The following ANK1 variants were observed in gnomAD, a reference collection of about 807,000 sequenced individuals.
ANK1 encodes the protein ankyrin-1.
ANK1 carries 51 observed loss-of-function variants against 210.4 expected under a neutral mutation model. That is an observed-to-expected ratio of 0.24 (90% CI 0.19 to 0.31). The LOEUF (loss-of-function observed/expected upper bound fraction) is 0.31, where lower values mean the gene tolerates loss of function less well. Among genes scored for constraint, ANK1 ranks in the 10% least tolerant of loss-of-function variants. ANK1 has a pLI of 1.00. For synonymous variants in ANK1, 967 were observed against 1,025.9 expected (o/e 0.94, Z 1.10); for missense variants, 2,051 against 2,504.4 (o/e 0.82, Z 3.86).
chr8:41,696,857 C>T lies in ANK1; in HGVS notation c.2638-84G>A, dbSNP rs548397036. ...GCCAGGGCGTGGAGGCTTGGAAGAACCTTGCCGCTAGAAACCAGGTGCCAC... is the reference window on the plus strand; with the variant it reads ...GCCAGGGCGTGGAGGCTTGGAAGAATCTTGCCGCTAGAAACCAGGTGCCAC... On this transcript the variant is annotated intron_variant, in intron 24 of 42. Transcript: ENST00000289734. 7.5e-6 allele frequency: 10 copies of T among 1,330,512 alleles called. No homozygotes were observed. The South Asian group carries it at 8.7e-5, about 12-fold the overall frequency. The allele number at this position is 1,330,512 out of a possible 1,614,324, so 82.4% of individuals were successfully genotyped here.
intron 38 of ANK1, among the ~76,000 whole-genome samples, chr8:41,670,403 T>G (rs1302184331): frequency 6.6e-6 from 1 of 152,040 alleles, no homozygotes; most frequent in East Asian, 1.9e-4. Flanking sequence ...TGAACCCAGT[T>G]AGCAACACTG....
chr8:41,847,735 C>G (rs1810334460), intron 1 of ANK1, among the ~76,000 whole-genome samples: 1 of 152,202 alleles, frequency 6.6e-6, no homozygotes, highest in Admixed American at 6.5e-5. Context: ...GCCACCGTGC[C>G]TTTTATCCCA....
At chr8:41,792,556 G>A (rs1458611320) in intron 1 of ANK1, among the ~76,000 whole-genome samples, 1 of 152,184 alleles carries the variant, frequency 6.6e-6, no homozygotes, top group Non-Finnish European at 1.5e-5. Context: ...CGAAGCCAGG[G>A]AAAATAAGAG....
At chr8:41,726,898 T>C (rs1387365298) in intron 5 of ANK1, among the ~76,000 whole-genome samples, 1 of 152,204 alleles carries the variant, frequency 6.6e-6, no homozygotes, top group Non-Finnish European at 1.5e-5. Context: ...CAAGGGTGCA[T>C]GGTGGTTTTG....
chr8:41,843,704 C>T (rs556188882), intron 1 of ANK1, among the ~76,000 whole-genome samples: 460 of 152,298 alleles, frequency 3.0e-3, no homozygotes, highest in Non-Finnish European at 4.8e-3. Context: ...CAGATCTCTC[C>T]GCTCTCTCTG....
At chr8:41,785,841 CT>C (rs1341416868) in intron 1 of ANK1, among the ~76,000 whole-genome samples, 1 of 152,228 alleles carries the variant, frequency 6.6e-6, no homozygotes, top group Admixed American at 6.5e-5. Flanking sequence ...TTTAAACACC[CT>C]GGCGGAGCCT....
intron 1 of ANK1, among the ~76,000 whole-genome samples, chr8:41,759,525 A>AC (rs1839959695): frequency 4.6e-5 from 7 of 152,246 alleles, no homozygotes; most frequent in East Asian, 1.9e-4. Flanking sequence ...AAACAAACAA[A>AC]AAAACCCAGT....
Position 41,714,263 on chromosome 8 carries a change from G to A in ANK1, c.1702-9C>T, listed in dbSNP as rs1211481493. 3 of 1,542,128 alleles carry A rather than the reference G, an allele frequency of 1.9e-6. No homozygotes were observed. Among genetic ancestry groups the A allele is most frequent in the Admixed American group, 1.8e-5 (1 of 55,538 alleles). ...AGGGGGGTCAGGCCATTCTGCAGGG[G>A]ACAAAGACAAAAGAGGCCGGCTGTC... On this transcript the variant is annotated splice_polypyrimidine_tract_variant and intron_variant, in intron 15 of 42. Coordinates refer to ENST00000289734, the MANE Select transcript of ANK1 (RefSeq NM_000037.4).
intron 37 of ANK1, among the ~76,000 whole-genome samples, chr8:41,676,392 G>A (rs1465507685): frequency 6.6e-6 from 1 of 152,204 alleles, no homozygotes; most frequent in African/African-American, 2.4e-5. Flanking sequence ...TATTCTGGGT[G>A]AAAAGTCTGT....
intron 39 of ANK1, 57 bp downstream of exon 39, chr8:41,668,210 C>T (rs894548604): frequency 2.0e-5 from 32 of 1,611,648 alleles, no homozygotes; most frequent in East Asian, 8.9e-5. Flanking sequence ...CCTGGAGTCC[C>T]GGCCCCTTCC....
At chr8:41,869,747 T>C (rs888554840) in intron 1 of ANK1, among the ~76,000 whole-genome samples, 13 of 152,160 alleles carry the variant, frequency 8.5e-5, no homozygotes, top group Admixed American at 6.5e-5. Flanking sequence ...GCATGCTCCA[T>C]AGGCCACGTC....
At chr8:41,688,034 C>T in intron 35 of ANK1, 122 bp downstream of exon 35, 1 of 1,262,452 alleles carries the variant, frequency 7.9e-7, no homozygotes, top group Non-Finnish European at 1.2e-6. Context: ...CAGACAATCA[C>T]AAATCAGATA....
chr8:41,811,908 T>A (rs904785780), intron 1 of ANK1, among the ~76,000 whole-genome samples: 5 of 152,248 alleles, frequency 3.3e-5, no homozygotes, highest in Non-Finnish European at 1.5e-5. Flanking sequence ...CCTGTATATG[T>A]CCTAACACAA....
At chr8:41,807,248 T>C (rs965161063) in intron 1 of ANK1, among the ~76,000 whole-genome samples, 1 of 152,160 alleles carries the variant, frequency 6.6e-6, no homozygotes, top group African/African-American at 2.4e-5. Flanking sequence ...AACCCCCATG[T>C]TACTCATCAG....
At chr8:41,756,663 G>A (rs894145838) in intron 2 of ANK1, among the ~76,000 whole-genome samples, 2 of 152,122 alleles carry the variant, frequency 1.3e-5, no homozygotes, top group Admixed American at 1.3e-4. Flanking sequence ...GGCTGGTCTC[G>A]AACTGCTGAG....
chr8:41,695,109 C>G (rs1820469846), intron 27 of ANK1, 68 bp downstream of exon 27: 2 of 1,606,234 alleles, frequency 1.2e-6, no homozygotes, highest in East Asian at 4.5e-5. Flanking sequence ...CAAAGACCAC[C>G]TTTAAGGTGC....
rs988951888 is a variant in ANK1, at chr8:41,896,320, G to A, written c.126+35C>T. 3.8e-6 allele frequency: 6 copies of A among 1,577,188 alleles called. No homozygotes were observed. The Middle Eastern group carries it at 8.4e-4, about 222-fold the overall frequency. Reference sequence around the variant, plus strand: ...CCCCCAGCAGCCACTTGCAGGTGCCGCGGTCGCTGGGCTTTCACCGCCGCC... The same window carrying A: ...CCCCCAGCAGCCACTTGCAGGTGCCACGGTCGCTGGGCTTTCACCGCCGCC... On this transcript the variant is annotated intron_variant, in intron 1 of 42. Transcript: ENST00000265709.
chr8:41,857,227 T>C (rs1196186513), intron 1 of ANK1, among the ~76,000 whole-genome samples: 2 of 150,798 alleles, frequency 1.3e-5, no homozygotes, highest in African/African-American at 4.9e-5. Flanking sequence ...ACTGAAGAAA[T>C]TCTCTACTCT....
Position 41,706,189 on chromosome 8 carries a change from G to A in ANK1, c.2051C>T (p.Ala684Val). ...GACGCCGTGTTTGATCAGCACATCT[G>A]CCACTGGAACGTGGCCTTCTTGTGC... ...LVAQEGHVPV[A>V]DVLIKHGVMV... Residue 684 changes from alanine (A) to valine (V), a missense_variant, in exon 18 of 43, where the codon GCA becomes GTA. By Grantham distance (64) the Ala-to-Val change is moderately conservative. Around this residue, in one of 6 missense-constraint regions of ANK1, gnomAD observed 1,413 missense variants for 1,707.4 expected, o/e 0.83. Transcript: ENST00000289734. 1 of 1,614,164 alleles carries A rather than the reference G, an allele frequency of 6.2e-7. No homozygotes were observed. The highest frequency in any genetic ancestry group is 8.5e-7 in the Non-Finnish European group (1 of 1,179,994).
Sources: allele counts gnomAD v4.1 joint callset (sites outside exome capture counted in the v4.1 genomes callset), GRCh38; gene constraint gnomAD v4.1.1; regional missense constraint gnomAD v4.1.1; transcripts MANE v1.5; gene names NCBI Gene and HGNC (gene_info 2026-07-23, HGNC 2026-07-21).